Variants in C17orf67 observed in about 807,000 individuals in gnomAD.
C17orf67 encodes the protein uncharacterized protein C17orf67.
A neutral mutation model predicts 11.2 loss-of-function variants in C17orf67; 12 were observed. The ratio of observed to expected loss-of-function variants is 1.07; its 90% CI spans 0.68 to 1.73. The LOEUF (loss-of-function observed/expected upper bound fraction) is 1.73. Among genes scored for constraint, C17orf67 ranks in the 40% most tolerant of loss-of-function variants. The pLI is 0.00. For synonymous variants in C17orf67, 59 were observed against 46.9 expected (o/e 1.26, Z -1.05); for missense variants, 115 against 113.5 (o/e 1.01, Z -0.06).
intron 6 of C17orf67, among the ~76,000 whole-genome samples, chr17:56,797,041 C>A (rs1052396564): frequency 2.0e-5 from 3 of 152,184 alleles, no homozygotes; most frequent in African/African-American, 4.8e-5. Flanking sequence ...CTCCTTCCCC[C>A]ACTCCTCCCA....
chr17:56,796,579 C>T (rs1393043136), intron 6 of C17orf67, among the ~76,000 whole-genome samples: 2 of 146,624 alleles, frequency 1.4e-5, no homozygotes, highest in Admixed American at 1.3e-4. Context: ...TGGCCAGCAT[C>T]TCCATCTACT....
At chr17:56,805,786 AAG>A (rs1939172065) in intron 6 of C17orf67, among the ~76,000 whole-genome samples, 1 of 152,160 alleles carries the variant, frequency 6.6e-6, no homozygotes, top group Non-Finnish European at 1.5e-5. Context: ...TATCTAACAA[AAG>A]AGGATAATTC....
intron 6 of C17orf67, among the ~76,000 whole-genome samples, chr17:56,809,637 CCT>C (rs1905545527): frequency 7.2e-6 from 1 of 139,118 alleles, no homozygotes. Flanking sequence ...ACACACACAC[CCT>C]CACACACAGA....
In C17orf67 at chr17:56,814,932, C is replaced by T. The variant is rs1905721392; in HGVS notation, c.93G>A (p.Gln31=). The T allele has an allele frequency of 1.9e-6, 3 of 1,614,138 alleles. No individual in the cohort carries two copies. The highest frequency in any genetic ancestry group is 4.5e-5 in the East Asian group (2 of 44,884). Residue 31 remains glutamine (Q), a synonymous_variant, in exon 6 of 8, where the codon CAG becomes CAA. Transcript: ENST00000397861. ...SPILTEKQAK[Q]LLRSRRQDRP... is the part of the protein sequence containing the mutation. The stretch of plus-strand genomic sequence containing the variant: ...TATCCTGTCGCCGAGATCTTAGGAG[C>T]TGTTTGGCCTGCTTCTCTGTCAAAA...
At chr17:56,830,001 A>G (rs1906149004) in intron 2 of C17orf67, among the ~76,000 whole-genome samples, 1 of 152,150 alleles carries the variant, frequency 6.6e-6, no homozygotes, top group South Asian at 2.1e-4. Flanking sequence ...AGTCCCAACA[A>G]TTTTAAGTCA....
At chr17:56,808,458 C>T (rs1188803547) in intron 6 of C17orf67, among the ~76,000 whole-genome samples, 1 of 152,124 alleles carries the variant, frequency 6.6e-6, no homozygotes, top group Non-Finnish European at 1.5e-5. Flanking sequence ...CACTCAAAAT[C>T]CCTCCTTCTC....
At chr17:56,818,637 C>A (rs141565333) in intron 4 of C17orf67, among the ~76,000 whole-genome samples, 3 of 152,076 alleles carry the variant, frequency 2.0e-5, no homozygotes, top group Non-Finnish European at 4.4e-5. Context: ...TTTTCAGTAG[C>A]CACTTTTTTT....
At chr17:56,825,882 G>C (rs1250061272) in intron 2 of C17orf67, among the ~76,000 whole-genome samples, 1 of 152,108 alleles carries the variant, frequency 6.6e-6, no homozygotes, top group Non-Finnish European at 1.5e-5. Flanking sequence ...GAGAGATGGT[G>C]ATTCTTTTCT....
At position 56,792,338 on chromosome 17, in the gene C17orf67, C is replaced by A. The variant is rs1191214839; in HGVS notation, c.*35G>T. The A allele has an allele frequency of 6.6e-6, 1 of 152,084 alleles. No individual in the cohort carries two copies. The highest frequency in any genetic ancestry group is 2.4e-5 in the African/African-American group (1 of 41,410). 9.4% of individuals were successfully genotyped at this position (152,084 alleles called of 1,614,324 possible). ...GCTTCGACATTATCCAGCTTGTTGT[C>A]TATTAAAATGCTTGCTGAAAAAGAA... On this transcript the variant is annotated 3_prime_UTR_variant, in exon 8 of 8. Transcript: ENST00000397861.
chr17:56,824,845 C>T lies in C17orf67; in HGVS notation c.-307G>A, dbSNP rs1324932381. 6.6e-6 allele frequency: 1 copy of T among 152,146 alleles called. No homozygotes were observed. The highest frequency in any genetic ancestry group is 2.4e-5 in the African/African-American group (1 of 41,440). 9.4% of individuals were successfully genotyped at this position (152,146 alleles called of 1,614,324 possible). A position where few individuals can be genotyped will look rare whatever the true frequency, so the allele number is the denominator to read the frequency against. On this transcript the variant is annotated 5_prime_UTR_variant, in exon 4 of 8. Transcript: ENST00000397861. Reference sequence around the variant, plus strand: ...CAAAACTGTATCATTCAGGGATACCCTTAGGCATCTATAAAGAAAAGCAAA... The same window carrying T: ...CAAAACTGTATCATTCAGGGATACCTTTAGGCATCTATAAAGAAAAGCAAA...
intron 6 of C17orf67, among the ~76,000 whole-genome samples, chr17:56,795,631 T>C (rs1243759881): frequency 1.1e-4 from 17 of 152,212 alleles, no homozygotes; most frequent in Admixed American, 6.5e-4. Context: ...AACAAGTTCC[T>C]AGCTAATAGT....
At chr17:56,801,225 G>A (rs1905314002) in intron 6 of C17orf67, among the ~76,000 whole-genome samples, 3 of 152,134 alleles carry the variant, frequency 2.0e-5, no homozygotes, top group Non-Finnish European at 4.4e-5. Context: ...ACAAACAGCA[G>A]GCCAATAATC....
chr17:56,828,277 T>C lies in C17orf67; in HGVS notation c.-556-2956A>G, dbSNP rs867878258. Among the ~76,000 whole-genome samples the C allele has an allele frequency of 1.2e-4, 18 of 152,020 alleles. No homozygotes were observed. The South Asian group carries it at 3.3e-3, about 28-fold the overall frequency. ...AAAATTAGCTGGACGTGGTGGCGCA[T>C]GCGTGTAATCCCAGCTACTCGGGAG... On this transcript the variant is annotated intron_variant, in intron 2 of 7. Coordinates refer to ENST00000397861, the MANE Select transcript of C17orf67 (RefSeq NM_001085430.4).
intron 6 of C17orf67, among the ~76,000 whole-genome samples, chr17:56,801,548 T>C (rs925567558): frequency 6.6e-5 from 10 of 152,082 alleles, no homozygotes; most frequent in Non-Finnish European, 1.3e-4. Context: ...CCAAGACCCA[T>C]GCAGTTTGGA....
intron 6 of C17orf67, among the ~76,000 whole-genome samples, chr17:56,798,090 T>C (rs1364022709): frequency 6.6e-6 from 1 of 152,174 alleles, no homozygotes; most frequent in East Asian, 1.9e-4. Flanking sequence ...ACATTGCTAG[T>C]TAAGCAAGAA....
intron 2 of C17orf67, among the ~76,000 whole-genome samples, chr17:56,826,295 T>C (rs902487971): frequency 2.0e-5 from 3 of 152,162 alleles, no homozygotes; most frequent in African/African-American, 7.2e-5. Context: ...TATCTTCAAA[T>C]CTAAACTAAT....
Position 56,814,869 on chromosome 17 carries a change from C to A in C17orf67, c.156G>T (p.Arg52=), listed in dbSNP as rs561267970. Residue 52 remains arginine (R), a splice_region_variant and synonymous_variant, in exon 6 of 8, where the codon CGG becomes CGT. Coordinates refer to ENST00000397861, the MANE Select transcript of C17orf67 (RefSeq NM_001085430.4). ...SKPGFPDEPM[R]EYMHHLLALE... ...AAAACTGCCAGAGCAAAGCACTCAC[C>A]CGCATTGGCTCATCGGGGAATCCGG... is the stretch of plus-strand genomic sequence containing the variant. 1.2e-6 allele frequency: 2 copies of A among 1,613,742 alleles called. No individual in the cohort carries two copies. Among genetic ancestry groups the A allele is most frequent in the Admixed American group, 1.7e-5 (1 of 60,016 alleles).
chr17:56,820,573 CACAG>C (rs992314278), intron 4 of C17orf67, among the ~76,000 whole-genome samples: 23 of 152,278 alleles, frequency 1.5e-4, no homozygotes, highest in South Asian at 4.1e-4. Flanking sequence ...GCAAACTCCA[CACAG>C]ACAGTGGCCC....
chr17:56,816,511 G>A (rs750933991), intron 4 of C17orf67, among the ~76,000 whole-genome samples: 21 of 152,246 alleles, frequency 1.4e-4, no homozygotes, highest in African/African-American at 2.6e-4. Context: ...ACTATTCATC[G>A]TCCACTTCCA....
Sources: gnomAD v4.1 joint callset for allele counts (sites outside exome capture counted in the v4.1 genomes callset) on GRCh38, gnomAD v4.1.1 for gene constraint, MANE v1.5 for transcripts, NCBI Gene and HGNC (gene_info 2026-07-23, HGNC 2026-07-21) for gene names.